PSMC6: variants seen among roughly 807,000 people sequenced by gnomAD.
PSMC6 encodes the protein 26S proteasome regulatory subunit 10B.
PSMC6 carries 3 observed loss-of-function variants against 55.9 expected under a neutral mutation model. That is an observed-to-expected ratio of 0.05 (90% confidence interval 0.02 to 0.14). PSMC6 has a LOEUF of 0.14. Among genes scored for constraint, PSMC6 ranks in the 10% least tolerant of loss-of-function variants. The pLI is 1.00. For missense variants in PSMC6, 210 were observed against 478.7 expected (o/e 0.44, Z 5.24); for synonymous variants, 137 against 155.9 (o/e 0.88, Z 0.90).
chr14:52,717,227 AT>A (rs2041839345), intron 7 of PSMC6, among the ~76,000 whole-genome samples: 1 of 152,184 alleles, frequency 6.6e-6, no homozygotes, highest in African/African-American at 2.4e-5. Context: ...ATGTATCATA[AT>A]TTAACCCATA....
At chr14:52,720,333 A>G (rs1441656950) in intron 10 of PSMC6, among the ~76,000 whole-genome samples, 1 of 125,730 alleles carries the variant, frequency 8.0e-6, no homozygotes, top group Non-Finnish European at 1.6e-5. Flanking sequence ...AGGCCACAGT[A>G]CTCCAGCCTG....
At chr14:52,725,400 T>G (rs1880372154) in intron 13 of PSMC6, among the ~76,000 whole-genome samples, 1 of 152,242 alleles carries the variant, frequency 6.6e-6, no homozygotes. Flanking sequence ...CATACTGAAA[T>G]TTTTATCTTC....
intron 4 of PSMC6, 22 bp downstream of exon 4, chr14:52,708,838 G>A: frequency 6.2e-7 from 1 of 1,609,464 alleles, no homozygotes; most frequent in Non-Finnish European, 8.5e-7. Context: ...TATTTGTATA[G>A]TGCCTGATGA....
intron 7 of PSMC6, among the ~76,000 whole-genome samples, chr14:52,717,330 AT>A (rs71125121): frequency 0.084 from 9,330 of 110,538 alleles, 155 homozygotes; most frequent in South Asian, 0.13. Flanking sequence ...GTACTTTGGA[AT>A]TTTTTTTTTT....
intron 6 of PSMC6, among the ~76,000 whole-genome samples, chr14:52,713,008 G>A (rs1359924057): frequency 2.6e-5 from 4 of 152,074 alleles, no homozygotes; most frequent in African/African-American, 9.7e-5. Context: ...GAGGTGGGTG[G>A]ATCATCTGAG....
chr14:52,717,979 G>A, intron 7 of PSMC6, 102 bp from the exon 8 acceptor site: 1 of 1,085,994 alleles, frequency 9.2e-7, no homozygotes, highest in Non-Finnish European at 1.4e-6. Context: ...AGTGAGCTGT[G>A]ATCTCGCCAC....
chr14:52,716,475 C>T (rs942751092), intron 7 of PSMC6, among the ~76,000 whole-genome samples: 22 of 152,184 alleles, frequency 1.4e-4, no homozygotes, highest in South Asian at 1.0e-3. Flanking sequence ...ATGTGGTAGC[C>T]GGGTGCAGTG....
chr14:52,719,786 T>C (rs1245110126), intron 10 of PSMC6, among the ~76,000 whole-genome samples: 2 of 152,250 alleles, frequency 1.3e-5, no homozygotes, highest in African/African-American at 2.4e-5. Context: ...GTAACTAATA[T>C]ATCATCAACT....
At position 52,728,488 on chromosome 14, in the gene PSMC6, T is replaced by G. The variant is rs1052589508; in HGVS notation, c.*871T>G. ...ATGTATGGATACCTGGCTAAGAGTG[T>G]ATGATGTAGGGGATGTAGGAGTGTC... is the stretch of plus-strand genomic sequence containing the variant. On this transcript the variant is annotated 3_prime_UTR_variant, in exon 14 of 14. Transcript: ENST00000445930. 24 of 152,218 alleles carry G rather than the reference T, an allele frequency of 1.6e-4. No homozygotes were observed. The highest frequency in any genetic ancestry group is 5.8e-4 in the African/African-American group (24 of 41,444). 9.4% of individuals were successfully genotyped at this position (152,218 alleles called of 1,614,324 possible).
chr14:52,718,809 A>G (rs2041858691), intron 9 of PSMC6, 168 bp from the exon 10 acceptor site: 1 of 611,868 alleles, frequency 1.6e-6, no homozygotes, highest in Non-Finnish European at 2.8e-6. Flanking sequence ...CACTTTAACA[A>G]AATGAGAAAT....
At chr14:52,720,366 T>TAAA in intron 10 of PSMC6, among the ~76,000 whole-genome samples, 1 of 9,690 alleles carries the variant, frequency 1.0e-4, no homozygotes, top group Non-Finnish European at 1.7e-4. Flanking sequence ...AAACTCTGTC[T>TAAA]CAAAAAAAAA....
chr14:52,712,783 AT>A (rs1419306744), intron 6 of PSMC6, among the ~76,000 whole-genome samples: 1 of 151,894 alleles, frequency 6.6e-6, no homozygotes, highest in Non-Finnish European at 1.5e-5. Context: ...CATGTGACTA[AT>A]TTTTTTATTT....
chr14:52,719,275 G>C (rs949648662), intron 10 of PSMC6, among the ~76,000 whole-genome samples: 1 of 152,056 alleles, frequency 6.6e-6, no homozygotes, highest in Admixed American at 6.5e-5. Context: ...GTGTTTTTTT[G>C]AGTAGATCAG....
At chr14:52,711,674 GCAC>G in intron 6 of PSMC6, 150 bp downstream of exon 6, 1 of 415,348 alleles carries the variant, frequency 2.4e-6, no homozygotes, top group Non-Finnish European at 4.3e-6. Flanking sequence ...AAGAAGAATA[GCAC>G]TGAATTTCTA....
chr14:52,727,799 A>G lies in PSMC6; in HGVS notation c.*182A>G. 4.3e-6 allele frequency: 2 copies of G among 460,510 alleles called. No individual in the cohort carries two copies. Among genetic ancestry groups the G allele is most frequent in the Non-Finnish European group, 3.9e-6 (1 of 257,694 alleles). The allele number at this position is 460,510 out of a possible 1,614,324, so 28.5% of individuals were successfully genotyped here. ...TACAGAAGAAATTTGTATGTTTGTT[A>G]AAGTTGCATTTATTGCAGCAAGTTA... On this transcript the variant is annotated 3_prime_UTR_variant, in exon 14 of 14. Coordinates refer to ENST00000445930, the MANE Select transcript of PSMC6 (RefSeq NM_002806.5).
At chr14:52,712,625 C>CT (rs1300582661) in intron 6 of PSMC6, among the ~76,000 whole-genome samples, 4 of 149,344 alleles carry the variant, frequency 2.7e-5, no homozygotes, top group Admixed American at 6.7e-5. Flanking sequence ...ATGGACACAA[C>CT]TTTTTTTTTT....
At chr14:52,709,911 G>GT (rs1171844380) in intron 4 of PSMC6, 1 of 183,760 alleles carries the variant, frequency 5.4e-6, no homozygotes, top group Non-Finnish European at 1.1e-5. Context: ...TACTCAGCCT[G>GT]TATTTCCTAT....
intron 6 of PSMC6, among the ~76,000 whole-genome samples, chr14:52,713,216 T>C (rs1413677685): frequency 6.6e-6 from 1 of 152,006 alleles, no homozygotes; most frequent in African/African-American, 2.4e-5. Flanking sequence ...GGCAACAGAC[T>C]CTGTCTCAAA....
In PSMC6 at chr14:52,707,446, G is replaced by A. The variant is rs888083565; in HGVS notation, c.85+142G>A. ...CCAGGGACAAGGCGCTTTGTCATCC[G>A]GCCCTGAGCTTGTGGAGCAGCACTC... On this transcript the variant is annotated intron_variant, in intron 1 of 13. Coordinates refer to ENST00000445930, the MANE Select transcript of PSMC6 (RefSeq NM_002806.5). 3 of 1,146,182 alleles carry A rather than the reference G, an allele frequency of 2.6e-6. No homozygotes were observed. The African/African-American group carries it at 4.7e-5, about 18-fold the overall frequency. 71.0% of individuals were successfully genotyped at this position (1,146,182 alleles called of 1,614,324 possible).
Sources: gnomAD v4.1 joint callset for allele counts (sites outside exome capture counted in the v4.1 genomes callset) on GRCh38, gnomAD v4.1.1 for gene constraint, MANE v1.5 for transcripts, NCBI Gene and HGNC (gene_info 2026-07-23, HGNC 2026-07-21) for gene names.